Variants in FGF14 observed in about 807,000 individuals in gnomAD.
FGF14 encodes the protein fibroblast growth factor 14.
FGF14 carries 5 observed loss-of-function variants against 25.5 expected under a neutral mutation model. The ratio of observed to expected loss-of-function variants is 0.20; its 90% CI spans 0.10 to 0.41. The LOEUF (loss-of-function observed/expected upper bound fraction) is 0.41. Among genes scored for constraint, FGF14 ranks in the 10% least tolerant of loss-of-function variants. FGF14 has a pLI of 1.00. For missense variants in FGF14, 222 were observed against 320.1 expected, an observed-to-expected ratio of 0.69 and a Z score of 2.34; for synonymous variants, 138 against 118.3, an observed-to-expected ratio of 1.17 and a Z score of -1.08.
At chr13:101,875,532 T>C (rs537626216) in intron 1 of FGF14, among the ~76,000 whole-genome samples, 1 of 152,244 alleles carries the variant, frequency 6.6e-6, no homozygotes, top group East Asian at 1.9e-4. Context: ...GGTATATGCA[T>C]ATTTAAATTA....
At chr13:101,884,864 TACATAC>T (rs74265607) in intron 1 of FGF14, among the ~76,000 whole-genome samples, 48,224 of 147,938 alleles carry the variant, frequency 0.33, 7,669 homozygotes, top group African/African-American at 0.39. Flanking sequence ...CACAGACACA[TACATAC>T]ACACACACAC....
chr13:102,378,581 T>C (rs2058094255), intron 1 of FGF14, among the ~76,000 whole-genome samples: 1 of 148,766 alleles, frequency 6.7e-6, no homozygotes, highest in Non-Finnish European at 1.5e-5. Context: ...ACATTAAGTA[T>C]GTTATATATA....
At chr13:102,078,306 C>T (rs781191788) in intron 1 of FGF14, among the ~76,000 whole-genome samples, 11 of 152,058 alleles carry the variant, frequency 7.2e-5, no homozygotes, top group Admixed American at 5.2e-4. Flanking sequence ...TATAAGTACA[C>T]GAGGTGATGC....
chr13:101,801,194 G>C (rs1406078065), intron 3 of FGF14, among the ~76,000 whole-genome samples: 2 of 152,088 alleles, frequency 1.3e-5, no homozygotes, highest in African/African-American at 4.8e-5. Flanking sequence ...CACAAGTTCT[G>C]AAAACACAAG....
chr13:101,905,132 A>G (rs2032074689), intron 1 of FGF14, among the ~76,000 whole-genome samples: 1 of 152,172 alleles, frequency 6.6e-6, no homozygotes, highest in African/African-American at 2.4e-5. Context: ...GTGGAGGCAG[A>G]TCTGGAGAAG....
intron 1 of FGF14, among the ~76,000 whole-genome samples, chr13:102,170,424 C>T (rs1454035337): frequency 4.0e-5 from 6 of 151,878 alleles, no homozygotes; most frequent in Non-Finnish European, 8.8e-5. Context: ...TACTTCTGCC[C>T]TACACCCAAG....
In FGF14 at chr13:101,722,452, C is replaced by G. The variant is rs937149812; in HGVS notation, c.*379G>C. On this transcript the variant is annotated 3_prime_UTR_variant, in exon 5 of 5. Coordinates refer to ENST00000376143, the MANE Select transcript of FGF14 (RefSeq NM_004115.4). ...ATTATTTGTGTGCTACAAAATTGAA[C>G]TTAAACACATAGATTTCGCTGAAAC... 4 of 324,582 alleles carry G rather than the reference C, an allele frequency of 1.2e-5. No homozygotes were observed. The highest frequency in any genetic ancestry group is 1.8e-5 in the Non-Finnish European group (3 of 166,542). The allele number at this position is 324,582 out of a possible 1,614,324, so 20.1% of individuals were successfully genotyped here. A position where few individuals can be genotyped will look rare whatever the true frequency, so the allele number is the denominator to read the frequency against.
chr13:102,373,424 G>A (rs1049026606), intron 1 of FGF14: 1 of 152,112 alleles, frequency 6.6e-6, no homozygotes, highest in African/African-American at 2.4e-5. Context: ...GTTTCCCCAG[G>A]TTGCAGAAAA....
At chr13:102,013,040 A>C (rs1026156003) in intron 1 of FGF14, among the ~76,000 whole-genome samples, 3 of 152,116 alleles carry the variant, frequency 2.0e-5, no homozygotes, top group Non-Finnish European at 2.9e-5. Flanking sequence ...ATGTAGTCCC[A>C]GCTACTCGAG....
chr13:101,948,937 A>G (rs2035988072), intron 1 of FGF14, among the ~76,000 whole-genome samples: 2 of 152,070 alleles, frequency 1.3e-5, no homozygotes, highest in African/African-American at 4.8e-5. Context: ...CATACTCTTA[A>G]GCCCAATTCA....
intron 1 of FGF14, among the ~76,000 whole-genome samples, chr13:101,926,362 A>C (rs1021476955): frequency 1.2e-4 from 18 of 152,110 alleles, no homozygotes; most frequent in African/African-American, 4.1e-4. Context: ...ACTCGATTGA[A>C]TCTCTAATGA....
chr13:102,234,095 T>A (rs919623799), intron 1 of FGF14, among the ~76,000 whole-genome samples: 4 of 152,058 alleles, frequency 2.6e-5, no homozygotes, highest in Non-Finnish European at 4.4e-5. Context: ...TTTTGCAAGA[T>A]GGAAAGAGCT....
chr13:102,104,227 T>C (rs899042588), intron 1 of FGF14, among the ~76,000 whole-genome samples: 2 of 152,188 alleles, frequency 1.3e-5, no homozygotes, highest in African/African-American at 2.4e-5. Flanking sequence ...ATAACAGTAA[T>C]AGCAACCAAC....
intron 1 of FGF14, among the ~76,000 whole-genome samples, chr13:102,355,009 A>G (rs1399517804): frequency 1.3e-5 from 2 of 152,196 alleles, no homozygotes; most frequent in African/African-American, 4.8e-5. Flanking sequence ...CATATTTTGT[A>G]GCCCATTTCA....
At chr13:101,991,682 C>G (rs762533232) in intron 1 of FGF14, among the ~76,000 whole-genome samples, 1 of 152,042 alleles carries the variant, frequency 6.6e-6, no homozygotes, top group Non-Finnish European at 1.5e-5. Flanking sequence ...GGCAGAGAAA[C>G]CCAGGGCCAG....
chr13:102,363,616 T>A (rs143244617), intron 1 of FGF14, among the ~76,000 whole-genome samples: 79 of 152,344 alleles, frequency 5.2e-4, no homozygotes, highest in African/African-American at 1.8e-3. Flanking sequence ...AAGATTAATG[T>A]TTATTATTAT....
At chr13:102,185,283 A>G (rs2048834247) in intron 1 of FGF14, among the ~76,000 whole-genome samples, 1 of 152,154 alleles carries the variant, frequency 6.6e-6, no homozygotes, top group Non-Finnish European at 1.5e-5. Context: ...ATTTTCTTTC[A>G]TAGTTCTGAG....
chr13:102,113,175 A>G (rs2045313471), intron 1 of FGF14, among the ~76,000 whole-genome samples: 1 of 152,240 alleles, frequency 6.6e-6, no homozygotes, highest in Non-Finnish European at 1.5e-5. Context: ...TCTCTGTTGA[A>G]AGCTGTACTA....
chr13:101,810,588 C>T (rs148645754), intron 3 of FGF14, among the ~76,000 whole-genome samples: 421 of 152,296 alleles, frequency 2.8e-3, no homozygotes, highest in Non-Finnish European at 5.1e-3. Context: ...CCTTGCCAGT[C>T]TTCCACATCA....
Sources: gnomAD v4.1 joint callset for allele counts (sites outside exome capture counted in the v4.1 genomes callset) on GRCh38, gnomAD v4.1.1 for gene constraint, MANE v1.5 for transcripts, NCBI Gene and HGNC (gene_info 2026-07-23, HGNC 2026-07-21) for gene names.